The following STK35 variants were observed in gnomAD, a reference collection of about 807,000 sequenced individuals.
STK35 encodes the protein serine/threonine kinase 35, also known as serine/threonine-protein kinase 35.
STK35 carries 17 observed loss-of-function variants against 37.3 expected under a neutral mutation model. The ratio of observed to expected loss-of-function variants is 0.46; its 90% CI spans 0.31 to 0.68. STK35 has a LOEUF of 0.68. Ranked by LOEUF, STK35 falls within the 30% of genes least tolerant of loss-of-function variation. The probability of loss-of-function intolerance (pLI) is 0.05; values close to 1 mark genes in which losing one functional copy is unlikely to be tolerated. For synonymous variants in STK35, 385 were observed against 319.1 expected (o/e 1.21, Z -2.20); for missense variants, 595 against 746.7 (o/e 0.80, Z 2.37).
rs776182913 is a variant in STK35, at chr20:2,103,308, A to C, written c.835A>C (p.Ser279Arg). The C allele has an allele frequency of 1.7e-5, 28 of 1,612,770 alleles. 1 individual carries two copies. In the South Asian group the frequency reaches 3.1e-4, roughly 18 times the overall value. ...LQRNGLAQRMSHGNKSSQLYL... is the reference protein window; with the variant it reads ...LQRNGLAQRMRHGNKSSQLYL... ...GCGCAATGGGTTAGCCCAGCGCATG[A>C]GTCACGGCAACAAGAGCTCGCAGCT... Residue 279 changes from serine (S) to arginine (R), a missense_variant, in exon 2 of 4, where the codon AGT (serine) becomes CGT (arginine). By Grantham distance (110) the Ser-to-Arg change is moderately radical (BLOSUM62 -1). Coordinates refer to ENST00000381482, the MANE Select transcript of STK35 (RefSeq NM_080836.4).
intron 3 of STK35, among the ~76,000 whole-genome samples, chr20:2,125,895 C>G (rs2122566605): frequency 1.3e-5 from 2 of 152,306 alleles, no homozygotes; most frequent in Middle Eastern, 3.4e-3. Context: ...TGGGAAAGCA[C>G]CCAGCACTGA....
Position 2,117,297 on chromosome 20 carries a change from T to C in STK35, c.1524T>C (p.Asp508=). 6.2e-7 allele frequency: 1 copy of C among 1,614,170 alleles called. No homozygotes were observed. The highest frequency in any genetic ancestry group is 8.5e-7 in the Non-Finnish European group (1 of 1,180,024). The change falls in exon 3 of 4, where the codon GAT becomes GAC. Residue 508 remains aspartate (D), a synonymous_variant. Coordinates refer to ENST00000381482, the MANE Select transcript of STK35 (RefSeq NM_080836.4). The surrounding 1 kb of genome is among the most constrained non-coding windows in gnomAD (Gnocchi z 4.4). ...AGGGGATCAAGCAGCTCTTGAAAGA[T>C]ATGTTAGCTGCTAACCCACAGGACC... ...MSEGIKQLLK[D]MLAANPQDRP...
At chr20:2,129,472 C>T (rs6082059) in intron 3 of STK35, among the ~76,000 whole-genome samples, 2 of 152,062 alleles carry the variant, frequency 1.3e-5, no homozygotes, top group African/African-American at 2.4e-5. Flanking sequence ...ATTAGCATCT[C>T]GGAATGTGTG....
At chr20:2,114,423 G>C (rs981837836) in intron 2 of STK35, among the ~76,000 whole-genome samples, 4 of 152,178 alleles carry the variant, frequency 2.6e-5, no homozygotes, top group African/African-American at 4.8e-5. Context: ...CAGCCTGGGT[G>C]ACAGAGTGAG....
chr20:2,120,018 T>G (rs934336507), intron 3 of STK35, among the ~76,000 whole-genome samples: 1 of 152,218 alleles, frequency 6.6e-6, no homozygotes, highest in African/African-American at 2.4e-5. Flanking sequence ...TCCCCAAAGC[T>G]AGGTTTAGGG....
chr20:2,106,704 C>G (rs1234906030), intron 2 of STK35, among the ~76,000 whole-genome samples: 1 of 152,150 alleles, frequency 6.6e-6, no homozygotes, highest in Non-Finnish European at 1.5e-5. Flanking sequence ...AATCCAGTAT[C>G]GAAAAGAGAA....
At chr20:2,140,682 C>T (rs1986158869) in intron 3 of STK35, among the ~76,000 whole-genome samples, 1 of 152,184 alleles carries the variant, frequency 6.6e-6, no homozygotes, top group African/African-American at 2.4e-5. Context: ...CTGAGGCTTC[C>T]AACAGGAGGG....
chr20:2,115,504 C>T (rs1018934225), intron 2 of STK35, among the ~76,000 whole-genome samples: 1 of 152,056 alleles, frequency 6.6e-6, no homozygotes, highest in Non-Finnish European at 1.5e-5. Context: ...GCAGGCCCAG[C>T]CTCTCCTCAT....
At chr20:2,125,173 G>C (rs1443369707) in intron 3 of STK35, among the ~76,000 whole-genome samples, 2 of 152,158 alleles carry the variant, frequency 1.3e-5, no homozygotes, top group Non-Finnish European at 2.9e-5. Context: ...TCGTCCAGCT[G>C]TGAGCAAAGC....
intron 3 of STK35, among the ~76,000 whole-genome samples, chr20:2,142,279 A>T (rs1330056050): frequency 6.7e-6 from 1 of 148,304 alleles, no homozygotes; most frequent in Non-Finnish European, 1.5e-5. Context: ...CCCAGTGCTC[A>T]GAGGGAGAAA....
chr20:2,139,640 C>G (rs1160127164), intron 3 of STK35, among the ~76,000 whole-genome samples: 1 of 152,102 alleles, frequency 6.6e-6, no homozygotes, highest in African/African-American at 2.4e-5. Context: ...GGACGATAAC[C>G]CCTACCTCTT....
chr20:2,123,649 A>T (rs1349039756), intron 3 of STK35, among the ~76,000 whole-genome samples: 2 of 152,250 alleles, frequency 1.3e-5, no homozygotes, highest in African/African-American at 2.4e-5. Flanking sequence ...GATACTAAAA[A>T]ATGGAAAAGA....
Position 2,114,639 on chromosome 20 carries a change from C to CCAG in STK35, c.893-2026_893-2024dup, listed in dbSNP as rs1290822179. 3.3e-5 allele frequency among the ~76,000 whole-genome samples: 5 copies of CCAG among 152,300 alleles called. No individual in the cohort carries two copies. In the South Asian group the frequency reaches 8.3e-4, roughly 25 times the overall value. ...CAGAGCAGCTCCTCAGTCCGAAGGT[C>CCAG]CAGTCTCCCCCAACCACTCACAAAC... On this transcript the variant is annotated intron_variant, in intron 2 of 3. Transcript: ENST00000381482.
chr20:2,105,909 C>A (rs1041047764), intron 2 of STK35, among the ~76,000 whole-genome samples: 1 of 152,160 alleles, frequency 6.6e-6, no homozygotes, highest in Non-Finnish European at 1.5e-5. Context: ...AAAATGAAAT[C>A]TTTTGCTTTA....
intron 3 of STK35, among the ~76,000 whole-genome samples, chr20:2,139,323 A>T (rs1301047560): frequency 6.6e-6 from 1 of 152,184 alleles, no homozygotes; most frequent in Non-Finnish European, 1.5e-5. Flanking sequence ...TTGCTGGAAG[A>T]CCGTTCACTG....
At chr20:2,109,879 G>A (rs1985585780) in intron 2 of STK35, among the ~76,000 whole-genome samples, 1 of 152,244 alleles carries the variant, frequency 6.6e-6, no homozygotes, top group African/African-American at 2.4e-5. Flanking sequence ...AGGTAGTAGA[G>A]GGAATGTTGA....
chr20:2,143,974 C>CTTT lies in STK35; in HGVS notation c.*229_*231dup. 1 of 326,692 alleles carries CTTT rather than the reference C, an allele frequency of 3.1e-6. No homozygotes were observed. The highest frequency in any genetic ancestry group is 5.6e-6 in the Non-Finnish European group (1 of 178,404). The allele number at this position is 326,692 out of a possible 1,614,324, so 20.2% of individuals were successfully genotyped here. ...TTTTCTTTTCTTTTTTTTTTTTCCT[C>CTTT]TTTCCTTTTTTTAAATTTAAACCAT... On this transcript the variant is annotated 3_prime_UTR_variant, in exon 4 of 4. Coordinates refer to ENST00000381482, the MANE Select transcript of STK35 (RefSeq NM_080836.4).
intron 3 of STK35, among the ~76,000 whole-genome samples, chr20:2,118,069 T>C (rs1406907829): frequency 2.0e-5 from 3 of 152,216 alleles, no homozygotes; most frequent in African/African-American, 7.2e-5. Context: ...TATCTCTGAT[T>C]GTATCCCACC....
intron 3 of STK35, among the ~76,000 whole-genome samples, chr20:2,132,893 G>A (rs533583743): frequency 6.6e-6 from 1 of 152,218 alleles, no homozygotes; most frequent in Admixed American, 6.5e-5. Context: ...AGTAAGTGTT[G>A]CTCACTGTAG....
Sources: gnomAD v4.1 joint callset for allele counts (sites outside exome capture counted in the v4.1 genomes callset) on GRCh38, gnomAD v4.1.1 for gene constraint, Gnocchi (gnomAD v3.1) non-coding constraint, MANE v1.5 for transcripts, NCBI Gene and HGNC (gene_info 2026-07-23, HGNC 2026-07-21) for gene names.